Variants in GCC2 observed in about 807,000 individuals in gnomAD.
GCC2 encodes GRIP and coiled-coil domain containing 2.
A neutral mutation model predicts 210.6 loss-of-function variants in GCC2; 120 were observed. That is an observed-to-expected ratio of 0.57 (90% CI 0.49 to 0.66). GCC2 has a LOEUF of 0.66. Among genes scored for constraint, GCC2 ranks in the 30% least tolerant of loss-of-function variants. The probability of loss-of-function intolerance (pLI) is 0.00; values close to 1 mark genes in which losing one functional copy is unlikely to be tolerated. For synonymous variants in GCC2, 703 were observed against 652.7 expected, an observed-to-expected ratio of 1.08 and a Z score of -1.17; for missense variants, 1,868 against 1,871.9, an observed-to-expected ratio of 1.00 and a Z score of 0.04.
intron 7 of GCC2, chr2:108,474,639 G>T (rs1475970569): frequency 1.3e-5 from 2 of 152,156 alleles, no homozygotes; most frequent in Non-Finnish European, 2.9e-5. Flanking sequence ...TTTTAGAGGG[G>T]CAGTGTGGTT....
At chr2:108,491,916 A>G (rs1342019337) in intron 18 of GCC2, among the ~76,000 whole-genome samples, 1 of 152,070 alleles carries the variant, frequency 6.6e-6, no homozygotes, top group Admixed American at 6.5e-5. Context: ...GAAAACTACT[A>G]AAAGTAGGAA....
intron 4 of GCC2, among the ~76,000 whole-genome samples, chr2:108,455,221 C>T (rs1680190907): frequency 6.6e-6 from 1 of 152,110 alleles, no homozygotes; most frequent in African/African-American, 2.4e-5. Flanking sequence ...GGACAGATCA[C>T]CTGAGGTCAG....
intron 1 of GCC2, 38 bp from the exon 2 acceptor site, chr2:108,449,595 G>C (rs747781767): frequency 6.3e-7 from 1 of 1,593,818 alleles, no homozygotes; most frequent in South Asian, 1.1e-5. Flanking sequence ...ATTAGGAAAA[G>C]AGTTCTTCTG....
At chr2:108,476,054 C>CT (rs56236751) in intron 9 of GCC2, among the ~76,000 whole-genome samples, 1,228 of 96,250 alleles carry the variant, frequency 0.013, 97 homozygotes, top group African/African-American at 0.022. Flanking sequence ...TAGTGGCTTG[C>CT]TTTTTTTTTT....
chr2:108,508,307 T>C lies in GCC2; in HGVS notation c.*677T>C, dbSNP rs1683306347. On this transcript the variant is annotated 3_prime_UTR_variant, in exon 23 of 23. Coordinates refer to ENST00000309863, the MANE Select transcript of GCC2 (RefSeq NM_181453.4). ...ATGTTAAGGGGCTATGAAGTAAATA[T>C]GCTGCAGTTAATTATGCTAAGTTAA... The C allele has an allele frequency of 7.0e-6, 1 of 142,558 alleles. No homozygotes were observed. The highest frequency in any genetic ancestry group is 2.5e-5 in the African/African-American group (1 of 39,832). The allele number at this position is 142,558 out of a possible 1,614,324, so 8.8% of individuals were successfully genotyped here.
At chr2:108,505,572 A>T (rs1017648468) in intron 22 of GCC2, among the ~76,000 whole-genome samples, 1 of 152,106 alleles carries the variant, frequency 6.6e-6, no homozygotes, top group Non-Finnish European at 1.5e-5. Context: ...CTGCTTGCAC[A>T]CTTTGTTGAA....
intron 13 of GCC2, among the ~76,000 whole-genome samples, chr2:108,485,026 A>C (rs1225226125): frequency 1.3e-5 from 2 of 152,024 alleles, no homozygotes; most frequent in South Asian, 4.1e-4. Context: ...TTGTAGGGAC[A>C]TGGATGAAAT....
chr2:108,469,388 TCA>T (rs1202263978), intron 5 of GCC2: 1 of 439,230 alleles, frequency 2.3e-6, no homozygotes, highest in Non-Finnish European at 4.0e-6. Context: ...TCTACGGTAT[TCA>T]GAGGCATTTC....
At chr2:108,483,866 A>T (rs1254710343) in intron 12 of GCC2, among the ~76,000 whole-genome samples, 2 of 152,242 alleles carry the variant, frequency 1.3e-5, no homozygotes, top group East Asian at 3.8e-4. Context: ...GTATTTTATA[A>T]ATAAGAGCTC....
intron 22 of GCC2, among the ~76,000 whole-genome samples, chr2:108,505,080 T>C (rs1431817801): frequency 6.6e-6 from 1 of 152,214 alleles, no homozygotes; most frequent in Admixed American, 6.5e-5. Context: ...CCAATTCTTA[T>C]TTACCTAAGG....
Position 108,482,395 on chromosome 2 carries a change from G to A in GCC2, c.3289G>A (p.Ala1097Thr). Residue 1097 changes from alanine to threonine, a missense_variant, in exon 11 of 23, where the codon GCA becomes ACA. Coordinates refer to ENST00000309863, the MANE Select transcript of GCC2 (RefSeq NM_181453.4). ...GATTTTAGAAGTCCAGAGAGCCAAA[G>A]CAATGGTAGACAAAGAATTAGAAGC... ...VQILEVQRAK[A>T]MVDKELEAEK... 1 of 1,587,746 alleles carries A rather than the reference G, an allele frequency of 6.3e-7. No individual in the cohort carries two copies. The highest frequency in any genetic ancestry group is 8.6e-7 in the Non-Finnish European group (1 of 1,156,700).
Position 108,470,969 on chromosome 2 carries a change from T to C in GCC2, c.1640T>C (p.Leu547Ser). 6.2e-7 allele frequency: 1 copy of C among 1,613,332 alleles called. No homozygotes were observed. The highest frequency in any genetic ancestry group is 1.1e-5 in the South Asian group (1 of 91,042). ...CGCCTCCAGGGAGAAAATGAAAAGT[T>C]ACTATCTCAACAAGAATTGGTACCA... ...VNRLQGENEK[L>S]LSQQELVPEL... Residue 547 changes from leucine to serine, a missense_variant, in exon 6 of 23, where the codon TTA (leucine) becomes TCA (serine). By Grantham distance (145) the Leu-to-Ser change is moderately radical. Coordinates refer to ENST00000309863, the MANE Select transcript of GCC2 (RefSeq NM_181453.4).
chr2:108,466,816 A>T (rs1680917811), intron 4 of GCC2, among the ~76,000 whole-genome samples: 1 of 152,122 alleles, frequency 6.6e-6, no homozygotes, highest in African/African-American at 2.4e-5. Context: ...TTGACATTTA[A>T]ATCTTAATCC....
chr2:108,490,049 C>G, intron 18 of GCC2, 35 bp downstream of exon 18: 1 of 1,442,372 alleles, frequency 6.9e-7, no homozygotes, highest in South Asian at 1.4e-5. Context: ...CTGTACCAGA[C>G]AGCAATGTAT....
chr2:108,450,503 C>T (rs1279011172), intron 2 of GCC2, among the ~76,000 whole-genome samples: 1 of 152,200 alleles, frequency 6.6e-6, no homozygotes, highest in African/African-American at 2.4e-5. Flanking sequence ...GAGGATATGG[C>T]CTGGTTTTTA....
intron 4 of GCC2, among the ~76,000 whole-genome samples, chr2:108,454,137 C>T (rs575809253): frequency 2.0e-5 from 3 of 152,228 alleles, no homozygotes; most frequent in East Asian, 3.9e-4. Flanking sequence ...ACTACAGGCA[C>T]CCGCCACCAT....
rs1348902900 is a variant in GCC2 at position 108,449,248 on chromosome 2, TTGCGGGCCGGC to T, written c.-26_-16del. On this transcript the variant is annotated 5_prime_UTR_variant, in exon 1 of 23. Coordinates refer to ENST00000309863, the MANE Select transcript of GCC2 (RefSeq NM_181453.4). Reference sequence around the variant, plus strand: ...GAAGTGCAGCGGTGGCGGCGGCTGGTTGCGGGCCGGCGGCGGGCTGGCGGAGATGGAGGTAA... The same window carrying T: ...GAAGTGCAGCGGTGGCGGCGGCTGGTGGCGGGCTGGCGGAGATGGAGGTAA... 24 of 1,548,572 alleles carry T rather than the reference TTGCGGGCCGGC, an allele frequency of 1.5e-5. No individual in the cohort carries two copies. Among genetic ancestry groups the T allele is most frequent in the Non-Finnish European group, 2.0e-5 (23 of 1,144,992 alleles).
chr2:108,492,642 A>T lies in GCC2; in HGVS notation c.4299A>T (p.Thr1433=). The T allele has an allele frequency of 6.2e-7, 1 of 1,613,970 alleles. No individual in the cohort carries two copies. The highest frequency in any genetic ancestry group is 8.5e-7 in the Non-Finnish European group (1 of 1,179,790). Residue 1433 remains threonine (T), a synonymous_variant, in exon 19 of 23, where the codon ACA becomes ACT. Transcript: ENST00000309863. ...SEHTQTVSQL[T]SQNEVLRNSF... is the part of the protein sequence containing the mutation. ...ATACACAGACTGTGAGTCAGCTAACATCCCAGAACGAGGTCCTTCGAAATA... is the reference window on the plus strand; with the variant it reads ...ATACACAGACTGTGAGTCAGCTAACTTCCCAGAACGAGGTCCTTCGAAATA...
In GCC2 at chr2:108,507,706, T is replaced by A; in HGVS notation, c.*76T>A. On this transcript the variant is annotated 3_prime_UTR_variant, in exon 23 of 23. Coordinates refer to ENST00000309863, the MANE Select transcript of GCC2 (RefSeq NM_181453.4). ...TGGTTCACGTATATTACCACAATTC[T>A]TTTGTCAAAAAGTGTGTATATATGT... 2 of 1,050,366 alleles carry A rather than the reference T, an allele frequency of 1.9e-6. No individual in the cohort carries two copies. Among genetic ancestry groups the A allele is most frequent in the East Asian group, 2.4e-5 (1 of 41,266 alleles). The allele number at this position is 1,050,366 out of a possible 1,614,324, so 65.1% of individuals were successfully genotyped here. A position where few individuals can be genotyped will look rare whatever the true frequency, so the allele number is the denominator to read the frequency against.
Sources: gnomAD v4.1 joint callset for allele counts (sites outside exome capture counted in the v4.1 genomes callset) on GRCh38, gnomAD v4.1.1 for gene constraint, MANE v1.5 for transcripts, NCBI Gene and HGNC (gene_info 2026-07-23, HGNC 2026-07-21) for gene names.